Variants in SETD3 observed in about 807,000 individuals in gnomAD.
The protein encoded by SETD3 is SET domain containing 3, actin N3(tau)-histidine methyltransferase.
SETD3 carries 19 observed loss-of-function variants against 63.0 expected under a neutral mutation model. The observed-to-expected ratio is 0.30, with a 90% CI of 0.21 to 0.44. SETD3 has a LOEUF of 0.44. Ranked by LOEUF, SETD3 falls within the 20% of genes least tolerant of loss-of-function variation. The probability of loss-of-function intolerance (pLI) is 1.00; values close to 1 mark genes in which losing one functional copy is unlikely to be tolerated. For missense variants in SETD3, 587 were observed against 728.5 expected (o/e 0.81, Z 2.24); for synonymous variants, 286 against 264.1 (o/e 1.08, Z -0.80).
intron 6 of SETD3, among the ~76,000 whole-genome samples, chr14:99,451,360 C>T (rs1275620426): frequency 6.6e-6 from 1 of 152,214 alleles, no homozygotes; most frequent in Admixed American, 6.5e-5. Flanking sequence ...TAAATTTTAG[C>T]TCCATTTCAT....
At chr14:99,465,934 T>G in intron 1 of SETD3, 121 bp from the exon 2 acceptor site, 1 of 576,740 alleles carries the variant, frequency 1.7e-6, no homozygotes, top group Non-Finnish European at 3.0e-6. Context: ...TTACCTTACA[T>G]GAAGTTTTCT....
chr14:99,439,076 AG>A (rs1893645853), intron 6 of SETD3, among the ~76,000 whole-genome samples: 1 of 152,268 alleles, frequency 6.6e-6, no homozygotes, highest in African/African-American at 2.4e-5. Flanking sequence ...TCACACAAAG[AG>A]AACTGCTAAA....
At chr14:99,411,244 A>G (rs1891971599) in intron 8 of SETD3, 1 of 152,246 alleles carries the variant, frequency 6.6e-6, no homozygotes, top group African/African-American at 2.4e-5. Context: ...TAGGTTAAAA[A>G]GTATGTAGTC....
At chr14:99,442,392 T>C (rs1893875135) in intron 6 of SETD3, among the ~76,000 whole-genome samples, 1 of 152,208 alleles carries the variant, frequency 6.6e-6, no homozygotes, top group Non-Finnish European at 1.5e-5. Context: ...GTCCTTGTCC[T>C]CAGTGGGCTT....
chr14:99,404,361 G>C, intron 10 of SETD3, 51 bp from the exon 11 acceptor site: 2 of 1,523,940 alleles, frequency 1.3e-6, no homozygotes, highest in South Asian at 2.2e-5. Context: ...TTACCCACTT[G>C]CTCCAAACTG....
rs753981181 is a variant in SETD3 at position 99,405,363 on chromosome 14, A to G, written c.933T>C (p.Ile311=). 11 of 1,608,946 alleles carry G rather than the reference A, an allele frequency of 6.8e-6. No homozygotes were observed. In the Admixed American group the frequency reaches 1.7e-4, roughly 25 times the overall value. Residue 311 remains isoleucine (I), a synonymous_variant, in exon 10 of 13, where the codon ATT becomes ATC. Transcript: ENST00000331768. ...CTGCGTTGGATCGAGTGCCATAAAA[A>G]ATGTAAATCTGAGATGCAGTAAAGA... ...QDFRAGEQIY[I]FYGTRSNAEF... is the part of the protein sequence containing the mutation.
chr14:99,484,009 A>G (rs1239094060), upstream of SETD3, among the ~76,000 whole-genome samples: 1 of 152,280 alleles, frequency 6.6e-6, no homozygotes, highest in Non-Finnish European at 1.5e-5. Flanking sequence ...CTGGCCAGAT[A>G]TAAATTTACT....
chr14:99,481,648 G>T, upstream of SETD3: 1 of 390,928 alleles, frequency 2.6e-6, no homozygotes, highest in Admixed American at 4.4e-5. Flanking sequence ...ACGCGGGGTT[G>T]TGGGGCGGGC....
At chr14:99,405,748 CA>C (rs986397685) in intron 9 of SETD3, among the ~76,000 whole-genome samples, 1 of 152,148 alleles carries the variant, frequency 6.6e-6, no homozygotes, top group Non-Finnish European at 1.5e-5. Context: ...TAAAATTCAC[CA>C]AGTTCTTCCT....
intron 1 of SETD3, among the ~76,000 whole-genome samples, chr14:99,466,035 G>A (rs779805993): frequency 2.6e-5 from 4 of 151,652 alleles, no homozygotes; most frequent in East Asian, 1.9e-4. Context: ...AGAAAAGTTC[G>A]TTCTTTTTCA....
At chr14:99,471,461 T>C (rs995386683) in intron 1 of SETD3, among the ~76,000 whole-genome samples, 1 of 152,214 alleles carries the variant, frequency 6.6e-6, no homozygotes, top group Admixed American at 6.5e-5. Flanking sequence ...GTTACGCTTA[T>C]GTAATATCAC....
chr14:99,451,297 C>A (rs1025051680), intron 6 of SETD3, among the ~76,000 whole-genome samples: 1 of 152,170 alleles, frequency 6.6e-6, no homozygotes, highest in Non-Finnish European at 1.5e-5. Context: ...CCAAGTTCGG[C>A]CTTCCACCAT....
chr14:99,472,865 GA>G (rs1483129536), intron 1 of SETD3, among the ~76,000 whole-genome samples: 1 of 152,034 alleles, frequency 6.6e-6, no homozygotes, highest in African/African-American at 2.4e-5. Context: ...TAAGACAAAA[GA>G]AAATACGAAG....
intron 1 of SETD3, among the ~76,000 whole-genome samples, chr14:99,480,510 C>T (rs1454134154): frequency 6.6e-6 from 1 of 150,936 alleles, no homozygotes; most frequent in Admixed American, 6.6e-5. Context: ...CGGCGCCCTC[C>T]GACCCCGCCG....
chr14:99,417,372 T>C (rs1020187667), intron 6 of SETD3, among the ~76,000 whole-genome samples: 1 of 152,254 alleles, frequency 6.6e-6, no homozygotes, highest in African/African-American at 2.4e-5. Flanking sequence ...ATGACACAGA[T>C]GCATTAAGTA....
intron 2 of SETD3, among the ~76,000 whole-genome samples, chr14:99,464,388 T>C (rs1595260604): frequency 6.6e-6 from 1 of 152,248 alleles, no homozygotes; most frequent in South Asian, 2.1e-4. Context: ...AGACACACGC[T>C]GAGTCTTAAC....
intron 6 of SETD3, among the ~76,000 whole-genome samples, chr14:99,448,455 A>G (rs1477771039): frequency 6.6e-6 from 1 of 152,160 alleles, no homozygotes; most frequent in Non-Finnish European, 1.5e-5. Flanking sequence ...CCAGGGGCAC[A>G]CTGTGAAGAA....
At chr14:99,445,260 C>G (rs1346470092) in intron 6 of SETD3, among the ~76,000 whole-genome samples, 1 of 152,228 alleles carries the variant, frequency 6.6e-6, no homozygotes, top group Non-Finnish European at 1.5e-5. Context: ...TACGCCCTCA[C>G]TCTCTGTCTA....
chr14:99,469,801 T>C (rs367633371), intron 1 of SETD3, among the ~76,000 whole-genome samples: 3 of 152,180 alleles, frequency 2.0e-5, no homozygotes, highest in African/African-American at 4.8e-5. Context: ...CTCATCCCCA[T>C]GCATGCAAGG....
Sources: gnomAD v4.1 joint callset for allele counts (sites outside exome capture counted in the v4.1 genomes callset) on GRCh38, gnomAD v4.1.1 for gene constraint, MANE v1.5 for transcripts, NCBI Gene and HGNC (gene_info 2026-07-23, HGNC 2026-07-21) for gene names.